The following TEX15 variants were observed in gnomAD, a reference collection of about 807,000 sequenced individuals.
TEX15 encodes the protein testis-expressed protein 15.
In TEX15, 171 loss-of-function variants were observed where a neutral mutation model predicts 237.3. The ratio of observed to expected loss-of-function variants is 0.72; its 90% CI spans 0.64 to 0.82. The LOEUF (loss-of-function observed/expected upper bound fraction) is 0.82. Ranked by LOEUF, TEX15 falls within the 40% of genes least tolerant of loss-of-function variation. TEX15 has a pLI of 0.00. For missense variants in TEX15, 3,750 were observed against 3,646.5 expected (o/e 1.03, Z -0.73); for synonymous variants, 1,338 against 1,269.8 (o/e 1.05, Z -1.14).
chr8:30,858,792 T>C lies in TEX15; in HGVS notation c.726A>G (p.Val242=). 6.5e-7 allele frequency: 1 copy of C among 1,535,578 alleles called. No individual in the cohort carries two copies. The highest frequency in any genetic ancestry group is 8.7e-7 in the Non-Finnish European group (1 of 1,146,644). The part of the protein sequence containing the change: ...FYEYSVLSKP[V]DKPRQCLPYA... ...ATGGAAGACATTGCCTAGGTTTATC[T>C]ACAGGCTTTGAAAGGACACTGTATT... The change falls in exon 7 of 11, where the codon GTA becomes GTG. Residue 242 remains valine, a synonymous_variant. Coordinates refer to ENST00000643185, the MANE Select transcript of TEX15 (RefSeq NM_001350162.2).
intron 4 of TEX15, among the ~76,000 whole-genome samples, chr8:30,868,957 A>G (rs889787564): frequency 6.6e-6 from 1 of 151,654 alleles, no homozygotes; most frequent in Non-Finnish European, 1.5e-5. Context: ...AACAATAAAA[A>G]TCTAATCCGG....
intron 7 of TEX15, among the ~76,000 whole-genome samples, chr8:30,851,049 G>A (rs576790428): frequency 3.4e-4 from 52 of 152,118 alleles, no homozygotes; most frequent in African/African-American, 1.2e-3. Context: ...CAAATTTCCT[G>A]GAAAACAAGC....
intron 1 of TEX15, among the ~76,000 whole-genome samples, chr8:30,902,182 G>C (rs1374398249): frequency 6.6e-6 from 1 of 151,882 alleles, no homozygotes; most frequent in Admixed American, 6.6e-5. Context: ...TCTGAGGAAG[G>C]CATCTAATCA....
At position 30,848,451 on chromosome 8, in the gene TEX15, A is replaced by G; in HGVS notation, c.1716T>C (p.Tyr572=). Residue 572 remains tyrosine (Y), a synonymous_variant, in exon 8 of 11, where the codon TAT becomes TAC. Coordinates refer to ENST00000643185, the MANE Select transcript of TEX15 (RefSeq NM_001350162.2). ...AAATGTGACTACTGTACTCTTTTGTATAAGCATTACCGGACTCCTGTTGGG... is the reference window on the plus strand; with the variant it reads ...AAATGTGACTACTGTACTCTTTTGTGTAAGCATTACCGGACTCCTGTTGGG... ...QRAQQESGNA[Y]TKEYSSHIFQ... is the part of the protein sequence containing the mutation. 1 of 1,614,150 alleles carries G rather than the reference A, an allele frequency of 6.2e-7. No individual in the cohort carries two copies. Among genetic ancestry groups the G allele is most frequent in the Non-Finnish European group, 8.5e-7 (1 of 1,180,016 alleles).
chr8:30,867,750 C>A (rs1362463048), intron 4 of TEX15, among the ~76,000 whole-genome samples: 1 of 152,092 alleles, frequency 6.6e-6, no homozygotes, highest in East Asian at 1.9e-4. Context: ...TTCTTAAATG[C>A]TGCTAATGTA....
At position 30,833,044 on chromosome 8, in the gene TEX15, A is replaced by G. The variant is rs1585274794; in HGVS notation, c.*242T>C. 2 of 346,924 alleles carry G rather than the reference A, an allele frequency of 5.8e-6. No individual in the cohort carries two copies. Among genetic ancestry groups the G allele is most frequent in the East Asian group, 1.0e-4 (2 of 20,036 alleles). The allele number at this position is 346,924 out of a possible 1,614,324, so 21.5% of individuals were successfully genotyped here. A position where few individuals can be genotyped will look rare whatever the true frequency, so the allele number is the denominator to read the frequency against. ...TTAAAGATTTTACCACTATTGCTTA[A>G]CTTTGATCATATTACCCTCCCCTTA... On this transcript the variant is annotated 3_prime_UTR_variant, in exon 11 of 11. Transcript: ENST00000643185.
Position 30,887,185 on chromosome 8 carries a change from T to C in TEX15, c.118A>G (p.Arg40Gly). The C allele has an allele frequency of 2.0e-6, 3 of 1,534,506 alleles. No homozygotes were observed. Among genetic ancestry groups the C allele is most frequent in the Non-Finnish European group, 2.6e-6 (3 of 1,146,474 alleles). The change falls in exon 3 of 11, where the codon AGG becomes GGG. Residue 40 changes from arginine (R) to glycine (G), a missense_variant. Coordinates refer to ENST00000643185, the MANE Select transcript of TEX15 (RefSeq NM_001350162.2). ...ATATTACCTTTCTCAGCTGTCCTCC[T>C]GATCTTAGGAATGGTGAATTTCTTC... ...PLKKFTIPKI[R>G]RTAEKVYLSP...
intron 3 of TEX15, among the ~76,000 whole-genome samples, chr8:30,877,706 C>G (rs323382): frequency 0.23 from 35,456 of 151,830 alleles, 6,069 homozygotes; most frequent in African/African-American, 0.47. Context: ...TCACAGAGGT[C>G]CTGTGTACCC....
At chr8:30,874,114 G>A (rs1183924761) in intron 4 of TEX15, among the ~76,000 whole-genome samples, 1 of 152,108 alleles carries the variant, frequency 6.6e-6, no homozygotes, top group Non-Finnish European at 1.5e-5. Context: ...AAGAGGAAAG[G>A]CAATATACCA....
Position 30,831,857 on chromosome 8 carries a change from T to C in TEX15, c.*1429A>G, listed in dbSNP as rs1807186116. On this transcript the variant is annotated 3_prime_UTR_variant, in exon 11 of 11. Coordinates refer to ENST00000643185, the MANE Select transcript of TEX15 (RefSeq NM_001350162.2). ...ATTCATTTTTGGCTGTTATTCATTTTTGAATACCAGTTAATATTACTGCTT... is the reference window on the plus strand; with the variant it reads ...ATTCATTTTTGGCTGTTATTCATTTCTGAATACCAGTTAATATTACTGCTT... 1 of 152,258 alleles carries C rather than the reference T, an allele frequency of 6.6e-6. No homozygotes were observed. Among genetic ancestry groups the C allele is most frequent in the South Asian group, 2.1e-4 (1 of 4,834 alleles). The allele number at this position is 152,258 out of a possible 1,614,324, so 9.4% of individuals were successfully genotyped here. A position where few individuals can be genotyped will look rare whatever the true frequency, so the allele number is the denominator to read the frequency against.
chr8:30,910,210 G>C (rs2128780604), intron 1 of TEX15, among the ~76,000 whole-genome samples: 1 of 151,966 alleles, frequency 6.6e-6, no homozygotes, highest in East Asian at 1.9e-4. Flanking sequence ...AAGTACACTA[G>C]TAGGTGTGCT....
At position 30,866,249 on chromosome 8, in the gene TEX15, C is replaced by T. The variant is rs189716340; in HGVS notation, c.540+1016G>A. Among the ~76,000 whole-genome samples the T allele has an allele frequency of 2.6e-3, 383 of 149,132 alleles. 3 individuals carry two copies. Among genetic ancestry groups the T allele is most frequent in the Non-Finnish European group, 4.4e-3 (300 of 67,472 alleles). On this transcript the variant is annotated intron_variant, in intron 5 of 10. Transcript: ENST00000643185. ...GAACTCCAGCCTGGGTGACAGAGTGCGACTGTCGCAAAAAAAGGAAAGGAA... is the reference window on the plus strand; with the variant it reads ...GAACTCCAGCCTGGGTGACAGAGTGTGACTGTCGCAAAAAAAGGAAAGGAA...
intron 3 of TEX15, among the ~76,000 whole-genome samples, chr8:30,879,645 T>C (rs891027891): frequency 2.0e-5 from 3 of 152,248 alleles, no homozygotes; most frequent in Non-Finnish European, 4.4e-5. Flanking sequence ...GTGTGTCTAT[T>C]TCTGTGGTCA....
chr8:30,897,098 T>C (rs1808920912), intron 2 of TEX15, among the ~76,000 whole-genome samples: 2 of 152,220 alleles, frequency 1.3e-5, no homozygotes, highest in Admixed American at 1.3e-4. Context: ...GAAAAAAATT[T>C]TTTTGAAAGG....
At chr8:30,834,445 T>C (rs1807247493) in intron 10 of TEX15, among the ~76,000 whole-genome samples, 1 of 152,048 alleles carries the variant, frequency 6.6e-6, no homozygotes, top group Admixed American at 6.6e-5. Context: ...GTGCTGGGAT[T>C]ACAGGCATGA....
intron 7 of TEX15, among the ~76,000 whole-genome samples, chr8:30,854,541 T>C (rs932644060): frequency 3.3e-5 from 5 of 152,094 alleles, no homozygotes; most frequent in Non-Finnish European, 7.4e-5. Flanking sequence ...GATGGCTTCC[T>C]TAGTGAAGTC....
At chr8:30,836,220 T>TTTG (rs1381680061) in intron 10 of TEX15, among the ~76,000 whole-genome samples, 1 of 132,946 alleles carries the variant, frequency 7.5e-6, no homozygotes, top group Admixed American at 7.9e-5. Context: ...TTTTTTTTTT[T>TTTG]TTTTTTTTTT....
Position 30,848,013 on chromosome 8 carries a change from C to T in TEX15, c.2154G>A (p.Glu718=), listed in dbSNP as rs142492305. 2 of 1,613,852 alleles carry T rather than the reference C, an allele frequency of 1.2e-6. No individual in the cohort carries two copies. Among genetic ancestry groups the T allele is most frequent in the Admixed American group, 1.7e-5 (1 of 59,996 alleles). ...ALEWQITPSF[E]SLSQKHPQHS... Reference sequence around the variant, plus strand: ...GCTGAGGATGCTTTTGTGACAGGCTCTCAAAACTTGGAGTAATTTGCCATT... The same window carrying T: ...GCTGAGGATGCTTTTGTGACAGGCTTTCAAAACTTGGAGTAATTTGCCATT... The change falls in exon 8 of 11, where the codon GAG becomes GAA. Residue 718 remains glutamate (E), a synonymous_variant. Transcript: ENST00000643185.
At chr8:30,891,132 C>T (rs938676326) in intron 2 of TEX15, among the ~76,000 whole-genome samples, 2 of 151,740 alleles carry the variant, frequency 1.3e-5, no homozygotes, top group Admixed American at 1.3e-4. Context: ...TGGTCTCAAA[C>T]TCCTGAGCTC....
Sources: allele counts gnomAD v4.1 joint callset (sites outside exome capture counted in the v4.1 genomes callset), GRCh38; gene constraint gnomAD v4.1.1; transcripts MANE v1.5; gene names NCBI Gene and HGNC (gene_info 2026-07-23, HGNC 2026-07-21).